NOX4: variants seen among roughly 807,000 people sequenced by gnomAD.
NOX4 encodes NADPH oxidase 4, also known as kidney oxidase-1.
A neutral mutation model predicts 87.6 loss-of-function variants in NOX4; 69 were observed. The ratio of observed to expected loss-of-function variants is 0.79; its 90% CI spans 0.65 to 0.96. NOX4 has a LOEUF of 0.96. Among genes scored for constraint, NOX4 ranks in the 40% least tolerant of loss-of-function variants. NOX4 has a pLI of 0.00. For synonymous variants in NOX4, 275 were observed against 238.2 expected (o/e 1.15, Z -1.42); for missense variants, 680 against 681.5 (o/e 1.00, Z 0.02).
intron 14 of NOX4, 37 bp downstream of exon 14, chr11:89,342,037 T>G (rs368172286): frequency 2.6e-6 from 4 of 1,535,038 alleles, no homozygotes; most frequent in Non-Finnish European, 3.5e-6. Context: ...TTGGCAGTTC[T>G]CTATTTGGAT....
At chr11:89,518,157 T>C in the NOX4 span, among the ~76,000 whole-genome samples, 1 of 151,996 alleles carries the variant, frequency 6.6e-6, no homozygotes, top group East Asian at 1.9e-4. Flanking sequence ...CACTTAAGAA[T>C]TTGTAGTTAG....
At chr11:89,517,186 CAT>C in the NOX4 span, among the ~76,000 whole-genome samples, 1 of 152,028 alleles carries the variant, frequency 6.6e-6, no homozygotes, top group Non-Finnish European at 1.5e-5. Context: ...ATATGTCAGA[CAT>C]ATTTAAAAAT....
upstream of NOX4, among the ~76,000 whole-genome samples, chr11:89,501,960 T>C (rs1234813063): frequency 1.3e-5 from 2 of 152,048 alleles, no homozygotes; most frequent in African/African-American, 4.8e-5. Context: ...ACTCCACCAT[T>C]ATATATCAGG....
At chr11:89,455,723 T>G (rs1206726764) in intron 2 of NOX4, among the ~76,000 whole-genome samples, 1 of 33,240 alleles carries the variant, frequency 3.0e-5, no homozygotes, top group Non-Finnish European at 5.8e-5. Flanking sequence ...TGAAGTCATA[T>G]ATATATATAT....
chr11:89,415,641 T>C (rs976617193), intron 8 of NOX4, among the ~76,000 whole-genome samples: 2 of 152,132 alleles, frequency 1.3e-5, no homozygotes, highest in African/African-American at 4.8e-5. Flanking sequence ...CAGGAATTAA[T>C]GAATCCCTGA....
At chr11:89,362,173 G>GACACACACAC (rs148208109) in intron 12 of NOX4, among the ~76,000 whole-genome samples, 26 of 147,018 alleles carry the variant, frequency 1.8e-4, no homozygotes, top group African/African-American at 6.4e-4. Flanking sequence ...CACAGACACA[G>GACACACACAC]ACACACACAC....
chr11:89,532,285 C>G, the NOX4 span, among the ~76,000 whole-genome samples: 2 of 152,192 alleles, frequency 1.3e-5, no homozygotes. Flanking sequence ...TATGGAAGCT[C>G]TACCCTACAG....
the NOX4 span, among the ~76,000 whole-genome samples, chr11:89,589,119 A>C: frequency 6.6e-6 from 1 of 152,180 alleles, no homozygotes; most frequent in Non-Finnish European, 1.5e-5. Flanking sequence ...AATTACTAGG[A>C]AATCTTTCTA....
At chr11:89,483,817 A>C (rs1946486844) in intron 2 of NOX4, among the ~76,000 whole-genome samples, 1 of 152,182 alleles carries the variant, frequency 6.6e-6, no homozygotes, top group Non-Finnish European at 1.5e-5. Flanking sequence ...TGACTTAGCC[A>C]TTTCACAATA....
chr11:89,560,700 C>G, the NOX4 span, among the ~76,000 whole-genome samples: 1 of 151,768 alleles, frequency 6.6e-6, no homozygotes, highest in Non-Finnish European at 1.5e-5. Context: ...CTTTCTCTCT[C>G]TCTTCTGGAG....
At chr11:89,515,742 C>T in the NOX4 span, among the ~76,000 whole-genome samples, 4 of 151,730 alleles carry the variant, frequency 2.6e-5, no homozygotes, top group East Asian at 3.9e-4. Context: ...TGGCATGGGA[C>T]GATTAATAGA....
chr11:89,512,659 C>T, the NOX4 span, among the ~76,000 whole-genome samples: 1 of 152,054 alleles, frequency 6.6e-6, no homozygotes, highest in Non-Finnish European at 1.5e-5. Flanking sequence ...ATTTTAACTC[C>T]ATTCTTCTGT....
At chr11:89,376,751 A>G (rs1939871400) in intron 11 of NOX4, among the ~76,000 whole-genome samples, 1 of 152,100 alleles carries the variant, frequency 6.6e-6, no homozygotes, top group African/African-American at 2.4e-5. Context: ...GCATGGTGGT[A>G]GGTGCCTGTG....
upstream of NOX4, among the ~76,000 whole-genome samples, chr11:89,493,087 T>A (rs1443414653): frequency 6.6e-6 from 1 of 152,210 alleles, no homozygotes; most frequent in East Asian, 1.9e-4. Flanking sequence ...ACTCTCACTT[T>A]AAAGATGAGA....
the NOX4 span, among the ~76,000 whole-genome samples, chr11:89,515,672 T>C: frequency 1.3e-5 from 2 of 151,950 alleles, no homozygotes; most frequent in African/African-American, 4.8e-5. Flanking sequence ...ATTCTAGAAA[T>C]TCTATAATTT....
chr11:89,327,774 G>T (rs1945281788), intron 17 of NOX4, among the ~76,000 whole-genome samples: 1 of 151,954 alleles, frequency 6.6e-6, no homozygotes, highest in South Asian at 2.1e-4. Flanking sequence ...CTGAAAAAAA[G>T]TTATTAAAAC....
At chr11:89,472,633 T>A (rs2135447296) in intron 2 of NOX4, among the ~76,000 whole-genome samples, 1 of 152,324 alleles carries the variant, frequency 6.6e-6, no homozygotes, top group South Asian at 2.1e-4. Context: ...GAAGGACACA[T>A]AGCTATTACA....
chr11:89,493,721 T>TTA (rs1555053296), upstream of NOX4, among the ~76,000 whole-genome samples: 7 of 142,292 alleles, frequency 4.9e-5, no homozygotes, highest in African/African-American at 1.8e-4. Flanking sequence ...GCCAGATTGT[T>TTA]TTATTATTAT....
At chr11:89,546,284 C>T in the NOX4 span, among the ~76,000 whole-genome samples, 1 of 152,082 alleles carries the variant, frequency 6.6e-6, no homozygotes, top group Admixed American at 6.6e-5. Context: ...AGACATGTTT[C>T]CAGTTCTTAA....
Sources: gnomAD v4.1 joint callset for allele counts (sites outside exome capture counted in the v4.1 genomes callset) on GRCh38, gnomAD v4.1.1 for gene constraint, MANE v1.5 for transcripts, NCBI Gene and HGNC (gene_info 2026-07-23, HGNC 2026-07-21) for gene names.